Variants in MAGI2 observed in about 807,000 individuals in gnomAD.
MAGI2 encodes the protein membrane-associated guanylate kinase, WW and PDZ domain-containing protein 2.
MAGI2 carries 35 observed loss-of-function variants against 133.3 expected under a neutral mutation model. That is an observed-to-expected ratio of 0.26 (90% CI 0.20 to 0.35). The LOEUF is 0.35. Ranked by LOEUF, MAGI2 falls within the 10% of genes least tolerant of loss-of-function variation. The pLI, the probability that MAGI2 is intolerant of heterozygous loss-of-function variation, is 1.00. For synonymous variants in MAGI2, 729 were observed against 710.6 expected, an observed-to-expected ratio of 1.03 and a Z score of -0.41; for missense variants, 1,636 against 1,863.4, an observed-to-expected ratio of 0.88 and a Z score of 2.25.
chr7:79,070,143 T>G (rs758318231), intron 1 of MAGI2, among the ~76,000 whole-genome samples: 1 of 152,144 alleles, frequency 6.6e-6, no homozygotes, highest in Non-Finnish European at 1.5e-5. Context: ...TGAATTTGAA[T>G]GTTGGCCTGC....
intron 5 of MAGI2, among the ~76,000 whole-genome samples, chr7:78,495,504 T>C (rs1020132549): frequency 2.0e-5 from 3 of 152,198 alleles, no homozygotes; most frequent in African/African-American, 4.8e-5. Flanking sequence ...TCCTTCTATA[T>C]CATCATTTCA....
intron 1 of MAGI2, among the ~76,000 whole-genome samples, chr7:79,164,999 C>G (rs1824774961): frequency 6.6e-6 from 1 of 151,974 alleles, no homozygotes; most frequent in Non-Finnish European, 1.5e-5. Context: ...ATAACAGTAT[C>G]TACTAAATTT....
intron 20 of MAGI2, among the ~76,000 whole-genome samples, chr7:78,123,484 C>G (rs1395833758): frequency 6.6e-6 from 1 of 152,180 alleles, no homozygotes; most frequent in African/African-American, 2.4e-5. Flanking sequence ...AGCATCACTA[C>G]TCTTGCACTT....
intron 2 of MAGI2, among the ~76,000 whole-genome samples, chr7:78,747,379 T>C (rs1222362435): frequency 6.6e-6 from 1 of 152,190 alleles, no homozygotes; most frequent in East Asian, 1.9e-4. Flanking sequence ...GAATCATTTA[T>C]TCATGTTTGT....
intron 2 of MAGI2, among the ~76,000 whole-genome samples, chr7:78,867,993 GA>G (rs1381612697): frequency 3.3e-5 from 5 of 150,020 alleles, no homozygotes; most frequent in Non-Finnish European, 4.4e-5. Flanking sequence ...TGTAAGCTGA[GA>G]AAAAAAAAGA....
chr7:79,121,938 A>G (rs750646464), intron 1 of MAGI2, among the ~76,000 whole-genome samples: 11 of 152,118 alleles, frequency 7.2e-5, no homozygotes, highest in Non-Finnish European at 1.3e-4. Context: ...CGATAATATA[A>G]AGTCATCCTA....
At chr7:79,241,605 C>T (rs1832421575) in intron 1 of MAGI2, among the ~76,000 whole-genome samples, 1 of 152,174 alleles carries the variant, frequency 6.6e-6, no homozygotes, top group Non-Finnish European at 1.5e-5. Flanking sequence ...CTAAAACTGA[C>T]CCCATCTTTG....
At chr7:79,317,510 G>C (rs1315581996) in intron 1 of MAGI2, among the ~76,000 whole-genome samples, 1 of 152,124 alleles carries the variant, frequency 6.6e-6, no homozygotes, top group Non-Finnish European at 1.5e-5. Context: ...AAACATACAG[G>C]TGAAGTTAAT....
intron 2 of MAGI2, among the ~76,000 whole-genome samples, chr7:78,685,465 CGT>C (rs1491134859): frequency 1.2e-4 from 8 of 65,100 alleles, no homozygotes; most frequent in Non-Finnish European, 1.7e-4. Context: ...TTGTCATTGT[CGT>C]TTTTTTTTTT....
chr7:78,480,350 C>T (rs185601367), intron 6 of MAGI2, among the ~76,000 whole-genome samples: 16 of 151,724 alleles, frequency 1.1e-4, no homozygotes, highest in African/African-American at 3.6e-4. Context: ...CCAGTATTAC[C>T]CCGATACCAA....
intron 2 of MAGI2, among the ~76,000 whole-genome samples, chr7:78,780,687 T>C (rs1359892572): frequency 6.6e-6 from 1 of 152,214 alleles, no homozygotes; most frequent in Non-Finnish European, 1.5e-5. Context: ...TGTGTGAGGC[T>C]TTCAAAGAAC....
At chr7:78,823,936 A>ACAC in intron 2 of MAGI2, among the ~76,000 whole-genome samples, 1 of 139,642 alleles carries the variant, frequency 7.2e-6, no homozygotes, top group Admixed American at 7.2e-5. Context: ...CACACACACA[A>ACAC]AATGCATTGT....
chr7:78,328,502 A>AACACAGACACACACAC (rs1554346529), intron 9 of MAGI2, among the ~76,000 whole-genome samples: 1 of 105,098 alleles, frequency 9.5e-6, no homozygotes, highest in African/African-American at 4.0e-5. Context: ...CCAGCTCTAA[A>AACACAGACACACACAC]ACACACACAC....
intron 1 of MAGI2, among the ~76,000 whole-genome samples, chr7:79,052,707 G>C (rs1213931475): frequency 2.0e-5 from 3 of 151,934 alleles, no homozygotes; most frequent in Admixed American, 1.3e-4. Context: ...ACCAAAAATT[G>C]GTCTATCTTT....
At chr7:78,622,837 T>A (rs1807893261) in intron 3 of MAGI2, among the ~76,000 whole-genome samples, 1 of 152,034 alleles carries the variant, frequency 6.6e-6, no homozygotes, top group South Asian at 2.1e-4. Flanking sequence ...ACAATGTGTA[T>A]TTGTAAGCAA....
chr7:78,409,337 C>T (rs1362686999), intron 6 of MAGI2, among the ~76,000 whole-genome samples: 13 of 152,030 alleles, frequency 8.6e-5, no homozygotes, highest in Admixed American at 8.5e-4. Context: ...CAAGAAATCA[C>T]TCTCGTTTTA....
chr7:78,831,859 C>G (rs1791186486), intron 2 of MAGI2, among the ~76,000 whole-genome samples: 2 of 152,126 alleles, frequency 1.3e-5, no homozygotes, highest in African/African-American at 2.4e-5. Context: ...ACTTTAAACA[C>G]TCTCTGAAAA....
intron 1 of MAGI2, among the ~76,000 whole-genome samples, chr7:79,266,386 A>C (rs557850978): frequency 4.0e-5 from 6 of 151,856 alleles, no homozygotes; most frequent in African/African-American, 1.5e-4. Flanking sequence ...TTTCCAAACC[A>C]TCACAGTGTC....
intron 1 of MAGI2, among the ~76,000 whole-genome samples, chr7:79,075,602 A>G (rs897839425): frequency 3.9e-5 from 6 of 152,002 alleles, no homozygotes; most frequent in Non-Finnish European, 8.8e-5. Flanking sequence ...CTCTACAAAA[A>G]ATATATAAAA....
Sources: gnomAD v4.1 joint callset for allele counts (sites outside exome capture counted in the v4.1 genomes callset) on GRCh38, gnomAD v4.1.1 for gene constraint, MANE v1.5 for transcripts, NCBI Gene and HGNC (gene_info 2026-07-23, HGNC 2026-07-21) for gene names.